The following CFHR4 variants were observed in gnomAD, a reference collection of about 807,000 sequenced individuals.
The protein encoded by CFHR4 is complement factor H-related protein 4.
CFHR4 carries 64 observed loss-of-function variants against 69.3 expected under a neutral mutation model. The ratio of observed to expected loss-of-function variants is 0.92; its 90% CI spans 0.76 to 1.14. The LOEUF (loss-of-function observed/expected upper bound fraction) is 1.14. CFHR4 is among the 50% of genes most tolerant of loss of function. CFHR4 has a pLI of 0.00. For synonymous variants in CFHR4, 244 were observed against 237.0 expected (o/e 1.03, Z -0.27); for missense variants, 636 against 684.9 (o/e 0.93, Z 0.80).
At chr1:196,907,269 C>G (rs1558245236) in intron 4 of CFHR4, 47 bp from the exon 5 acceptor site, 1 of 1,500,672 alleles carries the variant, frequency 6.7e-7, no homozygotes, top group Non-Finnish European at 9.3e-7. Flanking sequence ...CAGAAAGTTT[C>G]CAATAAAACT....
At chr1:196,913,667 C>T (rs1298324130) in intron 7 of CFHR4, among the ~76,000 whole-genome samples, 4 of 151,156 alleles carry the variant, frequency 2.6e-5, no homozygotes, top group Admixed American at 6.6e-5. Context: ...AGATAAATTG[C>T]CTAATGTATT....
At chr1:196,890,670 T>G (rs1038469803) in intron 1 of CFHR4, among the ~76,000 whole-genome samples, 2 of 151,552 alleles carry the variant, frequency 1.3e-5, no homozygotes, top group African/African-American at 4.9e-5. Flanking sequence ...TCTTTCAAAC[T>G]AGATCATTTT....
chr1:196,904,965 C>T, intron 2 of CFHR4, 143 bp from the exon 3 acceptor site: 1 of 799,636 alleles, frequency 1.3e-6, no homozygotes, highest in Non-Finnish European at 1.9e-6. Context: ...TCACAGATGT[C>T]TAGGAAACTT....
At chr1:196,912,333 C>T (rs1271575283) in intron 6 of CFHR4, among the ~76,000 whole-genome samples, 2 of 151,342 alleles carry the variant, frequency 1.3e-5, no homozygotes, top group South Asian at 2.1e-4. Context: ...GCAGTGTGTA[C>T]CGTATCTTTG....
rs577079471 is a variant in CFHR4, at chr1:196,904,099, C to T, written c.257-1009C>T. On this transcript the variant is annotated intron_variant, in intron 2 of 9. Coordinates refer to ENST00000608469, the MANE Select transcript of CFHR4 (RefSeq NM_001201550.3). ...TTCATAGAAGCACTGCCCTCAACAACAGCCTAAGCCTCTGGAAGGGAAGTC... is the reference window on the plus strand; with the variant it reads ...TTCATAGAAGCACTGCCCTCAACAATAGCCTAAGCCTCTGGAAGGGAAGTC... Among the ~76,000 whole-genome samples, 7 of 151,774 alleles carry T rather than the reference C, an allele frequency of 4.6e-5. 1 individual carries two copies. The East Asian group carries it at 1.4e-3, about 29-fold the overall frequency.
chr1:196,900,047 G>A (rs1322153496), intron 1 of CFHR4, among the ~76,000 whole-genome samples: 1 of 151,482 alleles, frequency 6.6e-6, no homozygotes, highest in Non-Finnish European at 1.5e-5. Flanking sequence ...TACGTGCAAA[G>A]CTAAATCTAA....
At position 196,905,275 on chromosome 1, in the gene CFHR4, C is replaced by T. The variant is rs762208280; in HGVS notation, c.424C>T (p.Gln142Ter). 1.2e-6 allele frequency: 2 copies of T among 1,611,208 alleles called. No homozygotes were observed. Among genetic ancestry groups the T allele is most frequent in the South Asian group, 1.1e-5 (1 of 90,834 alleles). Residue 142 changes from glutamine (Q) to a stop codon, truncating the protein, a stop_gained, in exon 3 of 10, where the codon CAA becomes TAA. Coordinates refer to ENST00000608469, the MANE Select transcript of CFHR4 (RefSeq NM_001201550.3). LOFTEE classifies it high-confidence loss of function. Reference protein sequence around the residue: ...ITCLQNGWSTQPICIKFCDMP... With the variant: ...ITCLQNGWST ...ATGTTTGCAAAATGGATGGTCAACA[C>T]AACCAATTTGCATTAGTAAGTTATT...
intron 1 of CFHR4, among the ~76,000 whole-genome samples, 153 bp downstream of exon 1, chr1:196,888,361 A>G (rs1274526203): frequency 1.3e-5 from 2 of 150,408 alleles, no homozygotes; most frequent in African/African-American, 2.5e-5. Flanking sequence ...TATAACAGAA[A>G]TTAATTTTAT....
chr1:196,893,136 A>G (rs1055963939), intron 1 of CFHR4, among the ~76,000 whole-genome samples: 2 of 151,850 alleles, frequency 1.3e-5, no homozygotes, highest in East Asian at 1.9e-4. Flanking sequence ...TTTTAAAATG[A>G]TTGGTTTCAA....
At chr1:196,894,074 A>G (rs1195550539) in intron 1 of CFHR4, among the ~76,000 whole-genome samples, 1 of 151,444 alleles carries the variant, frequency 6.6e-6, no homozygotes, top group African/African-American at 2.4e-5. Context: ...TCTCAGTTAA[A>G]TTGCACCTGC....
chr1:196,904,669 G>C (rs1432821460), intron 2 of CFHR4, among the ~76,000 whole-genome samples: 1 of 151,370 alleles, frequency 6.6e-6, no homozygotes, highest in Non-Finnish European at 1.5e-5. Context: ...TTAAATTCCT[G>C]GAGACAAAAG....
At chr1:196,916,899 A>G (rs1658668378) in intron 9 of CFHR4, among the ~76,000 whole-genome samples, 1 of 151,624 alleles carries the variant, frequency 6.6e-6, no homozygotes, top group African/African-American at 2.4e-5. Context: ...TCTAGGGAAA[A>G]AGGCAACCTT....
Position 196,906,618 on chromosome 1 carries a change from T to C in CFHR4, c.440-243T>C, listed in dbSNP as rs568302157. On this transcript the variant is annotated intron_variant, in intron 3 of 9. Transcript: ENST00000608469. ...ACAAATAAAAATAGATCTGACTAAATAGTCTTAATATGTTTTTCATAGGGT... is the reference window on the plus strand; with the variant it reads ...ACAAATAAAAATAGATCTGACTAAACAGTCTTAATATGTTTTTCATAGGGT... 1.2e-3 allele frequency among the ~76,000 whole-genome samples: 181 copies of C among 151,482 alleles called. 5 individuals are homozygous for C. Among genetic ancestry groups the C allele is most frequent in the African/African-American group, 4.0e-3 (165 of 41,130 alleles).
rs75774768 is a variant in CFHR4, at chr1:196,914,548, C to T, written c.1234C>T (p.Arg412Trp). 961 of 1,608,616 alleles carry T rather than the reference C, an allele frequency of 6.0e-4. 32 individuals are homozygous for T. In the African/African-American group the frequency reaches 0.011, roughly 18 times the overall value. Residue 412 changes from arginine (R) to tryptophan (W), a missense_variant, in exon 8 of 10, where the codon CGG becomes TGG. Coordinates refer to ENST00000608469, the MANE Select transcript of CFHR4 (RefSeq NM_001201550.3). The stretch of plus-strand genomic sequence containing the variant: ...TTCCAGAGCCAAGAGTAATGGCATG[C>T]GGTTTAAGCTCCATGACACATTGGA... ...ENSRAKSNGMRFKLHDTLDYE... is the reference protein window; with the variant it reads ...ENSRAKSNGMWFKLHDTLDYE...
At chr1:196,910,617 G>T in intron 6 of CFHR4, 139 bp downstream of exon 6, 1 of 636,744 alleles carries the variant, frequency 1.6e-6, no homozygotes, top group Non-Finnish European at 2.7e-6. Flanking sequence ...CACCAAACTA[G>T]ATCTTTTCTG....
rs1256730254 is a variant in CFHR4, at chr1:196,915,460, C to A, written c.1540+322C>A. ...AGATCAGCCTGACCAACATGGTGAA[C>A]CCTGTCTCTACAAAAAATACAAAAA... On this transcript the variant is annotated intron_variant, in intron 9 of 9. Coordinates refer to ENST00000608469, the MANE Select transcript of CFHR4 (RefSeq NM_001201550.3). Among the ~76,000 whole-genome samples the A allele has an allele frequency of 7.4e-4, 111 of 150,234 alleles. 3 individuals are homozygous for A. Among genetic ancestry groups the A allele is most frequent in the Non-Finnish European group, 4.4e-5 (3 of 67,878 alleles).
At position 196,903,813 on chromosome 1, in the gene CFHR4, G is replaced by T. The variant is rs147182335; in HGVS notation, c.256+1198G>T. ...GATTTAAGTAGATTATAAAATTATA[G>T]CATTAATTAACAATGCTTGCCCAAA... On this transcript the variant is annotated intron_variant, in intron 2 of 9. Coordinates refer to ENST00000608469, the MANE Select transcript of CFHR4 (RefSeq NM_001201550.3). Among the ~76,000 whole-genome samples, 1,031 of 151,342 alleles carry T rather than the reference G, an allele frequency of 6.8e-3. 42 individuals carry two copies. The highest frequency in any genetic ancestry group is 0.024 in the African/African-American group (988 of 41,040).
chr1:196,902,190 T>G (rs1657652358), intron 1 of CFHR4, among the ~76,000 whole-genome samples: 1 of 151,464 alleles, frequency 6.6e-6, no homozygotes, highest in South Asian at 2.1e-4. Context: ...CTACGATATA[T>G]GTACTCATGG....
intron 2 of CFHR4, 73 bp downstream of exon 2, chr1:196,902,688 T>A (rs1319428210): frequency 9.0e-7 from 1 of 1,114,964 alleles, no homozygotes; most frequent in East Asian, 2.4e-5. Flanking sequence ...TAAATGATTA[T>A]ATTGTCTTAT....
Sources: allele counts gnomAD v4.1 joint callset (sites outside exome capture counted in the v4.1 genomes callset), GRCh38; gene constraint gnomAD v4.1.1; transcripts MANE v1.5; gene names NCBI Gene and HGNC (gene_info 2026-07-23, HGNC 2026-07-21).